Variants in LASP1 observed in about 807,000 individuals in gnomAD.
LASP1 encodes LIM and SH3 domain protein 1.
A neutral mutation model predicts 38.6 loss-of-function variants in LASP1; 10 were observed. The ratio of observed to expected loss-of-function variants is 0.26; its 90% CI spans 0.16 to 0.44. The LOEUF is 0.44. Among genes scored for constraint, LASP1 ranks in the 20% least tolerant of loss-of-function variants. LASP1 has a pLI of 1.00. For missense variants in LASP1, 243 were observed against 375.7 expected, an observed-to-expected ratio of 0.65 and a Z score of 2.92; for synonymous variants, 132 against 140.8, an observed-to-expected ratio of 0.94 and a Z score of 0.44.
intron 2 of LASP1, among the ~76,000 whole-genome samples, chr17:38,881,446 G>GT (rs1913947395): frequency 1.3e-5 from 2 of 152,174 alleles, no homozygotes; most frequent in Middle Eastern, 3.4e-3. Flanking sequence ...TAATTTTTAA[G>GT]TTTTTTGTAG....
Position 38,870,210 on chromosome 17 carries a change from G to A in LASP1, c.21G>A (p.Arg7=). Residue 7 remains arginine (R), a synonymous_variant, in exon 1 of 7, where the codon CGG becomes CGA. Coordinates refer to ENST00000318008, the MANE Select transcript of LASP1 (RefSeq NM_006148.4). Reference sequence around the variant, plus strand: ...GAACCATGAACCCCAACTGCGCCCGGTGCGGCAAGATCGTGTATCCCACGG... The same window carrying A: ...GAACCATGAACCCCAACTGCGCCCGATGCGGCAAGATCGTGTATCCCACGG... MNPNCA[R]CGKIVYPTEK... The A allele has an allele frequency of 6.2e-7, 1 of 1,613,920 alleles. No individual in the cohort carries two copies. The highest frequency in any genetic ancestry group is 8.5e-7 in the Non-Finnish European group (1 of 1,179,876).
At chr17:38,875,076 T>A (rs1423132609) in intron 1 of LASP1, among the ~76,000 whole-genome samples, 2 of 148,154 alleles carry the variant, frequency 1.3e-5, no homozygotes, top group Non-Finnish European at 3.0e-5. Flanking sequence ...TGTGTGTGTG[T>A]GTGTGTGTGT....
At chr17:38,905,851 G>GT (rs1401731518) in intron 4 of LASP1, among the ~76,000 whole-genome samples, 2 of 152,126 alleles carry the variant, frequency 1.3e-5, no homozygotes, top group Middle Eastern at 3.2e-3. Context: ...GAGGCCAGGA[G>GT]TTTAAGACTT....
At chr17:38,904,425 T>C (rs981141530) in intron 4 of LASP1, 2 of 152,056 alleles carry the variant, frequency 1.3e-5, no homozygotes, top group African/African-American at 2.4e-5. Context: ...AAACCCTGTC[T>C]CTACTAAAAA....
intron 2 of LASP1, among the ~76,000 whole-genome samples, chr17:38,889,287 C>T (rs1281875925): frequency 2.0e-5 from 3 of 152,172 alleles, no homozygotes; most frequent in Non-Finnish European, 4.4e-5. Context: ...CACGCCATCA[C>T]ACCCGGCTAA....
At chr17:38,917,422 T>A (rs776135851) in intron 6 of LASP1, among the ~76,000 whole-genome samples, 3 of 152,174 alleles carry the variant, frequency 2.0e-5, no homozygotes, top group Non-Finnish European at 4.4e-5. Context: ...CTTTCTTTTT[T>A]TAAACTCCAT....
intron 5 of LASP1, 179 bp from the exon 6 acceptor site, chr17:38,914,864 C>T (rs950832864): frequency 2.4e-5 from 15 of 630,448 alleles, no homozygotes; most frequent in African/African-American, 2.2e-4. Context: ...GGCTCAGAGC[C>T]CCTGCGTGGG....
intron 3 of LASP1, chr17:38,897,091 G>A (rs1185193420): frequency 1.0e-6 from 1 of 985,550 alleles, no homozygotes; most frequent in Non-Finnish European, 1.2e-6. Flanking sequence ...GGACTCTTGG[G>A]GTGGGTTGGT....
chr17:38,902,829 A>C (rs1914681413), intron 4 of LASP1, among the ~76,000 whole-genome samples: 1 of 151,982 alleles, frequency 6.6e-6, no homozygotes, highest in South Asian at 2.1e-4. Flanking sequence ...CAGCCTTCTG[A>C]GTAGCTAGGA....
chr17:38,920,286 G>A lies in LASP1; in HGVS notation c.*1508G>A. ...CACCCTGTGGGTGTCTCCCTCGGGG[G>A]CTCTTCCCCTAGACCTCCCCCTCAC... is the stretch of plus-strand genomic sequence containing the variant. On this transcript the variant is annotated 3_prime_UTR_variant, in exon 7 of 7. Coordinates refer to ENST00000318008, the MANE Select transcript of LASP1 (RefSeq NM_006148.4). 2.4e-6 allele frequency: 1 copy of A among 414,580 alleles called. No individual in the cohort carries two copies. Among genetic ancestry groups the A allele is most frequent in the Non-Finnish European group, 4.6e-6 (1 of 215,556 alleles). 25.7% of individuals were successfully genotyped at this position (414,580 alleles called of 1,614,324 possible). A position where few individuals can be genotyped will look rare whatever the true frequency, so the allele number is the denominator to read the frequency against.
In LASP1 at chr17:38,918,120, A is replaced by T. The variant is rs1178425711; in HGVS notation, c.613-485A>T. ...ACACCATTGCACTCCAGCTTGGGTG[A>T]CAAAGCAAGACTCCATCTCAAAAAA... On this transcript the variant is annotated intron_variant, in intron 6 of 6. Transcript: ENST00000318008. This position sits in a 1 kb window ranked among gnomAD's most constrained non-coding sequence, Gnocchi z 4.4. Among the ~76,000 whole-genome samples the T allele has an allele frequency of 6.6e-6, 1 of 150,832 alleles. No homozygotes were observed. Among genetic ancestry groups the T allele is most frequent in the Non-Finnish European group, 1.5e-5 (1 of 67,718 alleles).
chr17:38,890,335 C>T, intron 2 of LASP1, 85 bp from the exon 3 acceptor site: 1 of 1,307,234 alleles, frequency 7.6e-7, no homozygotes, highest in Non-Finnish European at 1.1e-6. Flanking sequence ...GGACGAAGTT[C>T]CCAGGAGGGC....
At chr17:38,882,069 G>C (rs1215048162) in intron 2 of LASP1, among the ~76,000 whole-genome samples, 1 of 152,218 alleles carries the variant, frequency 6.6e-6, no homozygotes, top group African/African-American at 2.4e-5. Flanking sequence ...CTGGTGTGTA[G>C]GCAGACACCC....
intron 4 of LASP1, among the ~76,000 whole-genome samples, chr17:38,905,384 C>T (rs887174744): frequency 1.3e-5 from 2 of 151,522 alleles, no homozygotes; most frequent in East Asian, 1.9e-4. Flanking sequence ...AAAAATTAGC[C>T]GGGTGTGGTG....
chr17:38,898,783 T>C, intron 4 of LASP1: 1 of 547,026 alleles, frequency 1.8e-6, no homozygotes, highest in Non-Finnish European at 3.5e-6. Flanking sequence ...CCCCACTCTC[T>C]CTGACTGTTG....
intron 1 of LASP1, among the ~76,000 whole-genome samples, chr17:38,872,144 C>G (rs781480786): frequency 1.1e-4 from 17 of 152,180 alleles, no homozygotes; most frequent in Non-Finnish European, 1.9e-4. Context: ...ATGAATGTCT[C>G]TAGGCCTCAG....
intron 4 of LASP1, chr17:38,898,982 C>T: frequency 2.8e-6 from 1 of 351,694 alleles, no homozygotes; most frequent in Non-Finnish European, 5.6e-6. Flanking sequence ...TGTGTAAAAA[C>T]CCCAGCCAGC....
chr17:38,879,952 C>A (rs908777784), intron 2 of LASP1, among the ~76,000 whole-genome samples: 5 of 152,090 alleles, frequency 3.3e-5, no homozygotes, highest in Non-Finnish European at 5.9e-5. Context: ...TCTGTCCTGG[C>A]CCCTCCTTCA....
chr17:38,876,042 TC>T (rs1307309882), intron 1 of LASP1, among the ~76,000 whole-genome samples: 2 of 152,150 alleles, frequency 1.3e-5, no homozygotes, highest in African/African-American at 4.8e-5. Context: ...TTGGTGGTGA[TC>T]CAGCACATCA....
Sources: gnomAD v4.1 joint callset for allele counts (sites outside exome capture counted in the v4.1 genomes callset) on GRCh38, gnomAD v4.1.1 for gene constraint, Gnocchi (gnomAD v3.1) non-coding constraint, MANE v1.5 for transcripts, NCBI Gene and HGNC (gene_info 2026-07-23, HGNC 2026-07-21) for gene names.